SEMA6D: variants seen among roughly 807,000 people sequenced by gnomAD.
SEMA6D encodes semaphorin-6D.
Under a neutral mutation model 106.6 loss-of-function variants are expected in SEMA6D, and 35 were observed. The ratio of observed to expected loss-of-function variants is 0.33; its 90% CI spans 0.25 to 0.44. SEMA6D has a LOEUF of 0.44. SEMA6D is among the 20% of genes least tolerant of loss of function. SEMA6D has a pLI of 1.00. For missense variants in SEMA6D, 1,185 were observed against 1,345.9 expected (o/e 0.88, Z 1.87); for synonymous variants, 499 against 487.7 (o/e 1.02, Z -0.31).
chr15:47,201,372 G>A (rs1040272594), intron 1 of SEMA6D, among the ~76,000 whole-genome samples: 14 of 152,090 alleles, frequency 9.2e-5, no homozygotes, highest in Non-Finnish European at 1.3e-4. Flanking sequence ...GAAATAGAGC[G>A]ATAATGCTTT....
In SEMA6D at chr15:47,703,809, C is replaced by CTG. The variant is rs577805417; in HGVS notation, c.-54-55930_-54-55929dup. ...CAAGGGGAGATAGGGAGGTTTAACTCTGTGTGTATTTACCATCTGATGTTG... is the reference window on the plus strand; with the variant it reads ...CAAGGGGAGATAGGGAGGTTTAACTCTGTGTGTGTATTTACCATCTGATGTTG... On this transcript the variant is annotated intron_variant, in intron 4 of 19. Coordinates refer to the SEMA6D transcript ENST00000558014. 1.4e-4 allele frequency among the ~76,000 whole-genome samples: 22 copies of CTG among 152,250 alleles called. No individual in the cohort carries two copies. The South Asian group carries it at 4.4e-3, about 30-fold the overall frequency.
chr15:47,474,896 G>A (rs966615060), intron 3 of SEMA6D, among the ~76,000 whole-genome samples: 6 of 152,266 alleles, frequency 3.9e-5, no homozygotes, highest in Non-Finnish European at 5.9e-5. Flanking sequence ...TCTATGGTAC[G>A]ATGTTGCGGC....
intron 1 of SEMA6D, among the ~76,000 whole-genome samples, chr15:47,333,358 AG>A (rs2037420989): frequency 6.6e-6 from 1 of 152,166 alleles, no homozygotes; most frequent in Non-Finnish European, 1.5e-5. Context: ...AAAAACTTGA[AG>A]AAAAATTGTA....
chr15:47,351,766 C>G (rs1406206601), intron 1 of SEMA6D, among the ~76,000 whole-genome samples: 2 of 152,176 alleles, frequency 1.3e-5, no homozygotes, highest in Non-Finnish European at 2.9e-5. Flanking sequence ...ATCAGTGCCT[C>G]ACACAAAAGT....
At chr15:47,594,588 G>A (rs2076501908) in intron 3 of SEMA6D, among the ~76,000 whole-genome samples, 1 of 152,088 alleles carries the variant, frequency 6.6e-6, no homozygotes, top group Non-Finnish European at 1.5e-5. Context: ...CTATACTTTG[G>A]GATATGAACT....
Position 47,436,850 on chromosome 15 carries a change from C to T in SEMA6D, c.-159+24378C>T, listed in dbSNP as rs562471229. Among the ~76,000 whole-genome samples the T allele has an allele frequency of 5.4e-5, 8 of 149,144 alleles. No individual in the cohort carries two copies. The South Asian group carries it at 1.7e-3, about 32-fold the overall frequency. On this transcript the variant is annotated intron_variant, in intron 2 of 19. Coordinates refer to the SEMA6D transcript ENST00000558014. Reference sequence around the variant, plus strand: ...TCAAGAGGCTGAGGTGGGGGGATCACTTAAACCCAGAAGGTTGAGGTTGCA... The same window carrying T: ...TCAAGAGGCTGAGGTGGGGGGATCATTTAAACCCAGAAGGTTGAGGTTGCA...
At chr15:47,297,214 G>C (rs2035838673) in intron 1 of SEMA6D, among the ~76,000 whole-genome samples, 1 of 152,130 alleles carries the variant, frequency 6.6e-6, no homozygotes. Context: ...ATTTGTCTTG[G>C]AATATTTAGG....
intron 3 of SEMA6D, among the ~76,000 whole-genome samples, chr15:47,523,262 A>G (rs2044646148): frequency 6.6e-6 from 1 of 152,128 alleles, no homozygotes; most frequent in Admixed American, 6.5e-5. Flanking sequence ...GAGAGCTCCC[A>G]GTCAAGTGGA....
intron 1 of SEMA6D, among the ~76,000 whole-genome samples, chr15:47,231,261 G>GTCTTGACTGATCCTAGCTCAAGTCAA (rs1319644056): frequency 6.6e-6 from 1 of 151,898 alleles, no homozygotes; most frequent in East Asian, 1.9e-4. Context: ...AATGAGCCTG[G>GTCTTGACTGATCCTAGCTCAAGTCAA]ACTAGCATTG....
At chr15:47,389,804 T>G (rs1167311913) in intron 1 of SEMA6D, among the ~76,000 whole-genome samples, 1 of 152,194 alleles carries the variant, frequency 6.6e-6, no homozygotes, top group African/African-American at 2.4e-5. Flanking sequence ...CATTAGTGAG[T>G]ATTATTAGTT....
intron 4 of SEMA6D, among the ~76,000 whole-genome samples, chr15:47,698,121 C>T (rs2078737320): frequency 6.6e-6 from 1 of 152,096 alleles, no homozygotes; most frequent in Admixed American, 6.5e-5. Context: ...ATGGTTATTT[C>T]CCATTATTAA....
chr15:47,597,683 A>G (rs543466409), intron 3 of SEMA6D, among the ~76,000 whole-genome samples: 6 of 151,904 alleles, frequency 3.9e-5, no homozygotes, highest in Admixed American at 3.9e-4. Flanking sequence ...ATAGAAGCAG[A>G]GAGTAGATTA....
intron 3 of SEMA6D, among the ~76,000 whole-genome samples, chr15:47,558,257 T>C (rs972915169): frequency 1.3e-5 from 2 of 152,140 alleles, no homozygotes; most frequent in African/African-American, 4.8e-5. Context: ...TTGAGCTTTA[T>C]TCATTAATTC....
chr15:47,261,118 C>T (rs2034056105), intron 1 of SEMA6D, among the ~76,000 whole-genome samples: 1 of 152,068 alleles, frequency 6.6e-6, no homozygotes, highest in Admixed American at 6.6e-5. Context: ...AAGTCTATGC[C>T]AGAAGTCCAG....
At chr15:47,609,793 T>C (rs561872404) in intron 4 of SEMA6D, among the ~76,000 whole-genome samples, 24 of 152,312 alleles carry the variant, frequency 1.6e-4, no homozygotes, top group African/African-American at 5.3e-4. Context: ...TGATACCGCA[T>C]GTGTACTCAG....
chr15:47,529,005 G>A (rs1228039463), intron 3 of SEMA6D, among the ~76,000 whole-genome samples: 1 of 152,018 alleles, frequency 6.6e-6, no homozygotes, highest in Non-Finnish European at 1.5e-5. Flanking sequence ...GGGGAAAAAT[G>A]TTATTAAAAA....
At chr15:47,654,923 A>G (rs2077763153) in intron 4 of SEMA6D, among the ~76,000 whole-genome samples, 1 of 152,186 alleles carries the variant, frequency 6.6e-6, no homozygotes, top group South Asian at 2.1e-4. Context: ...CTTTATAGCA[A>G]TGCAAGAATG....
chr15:47,670,308 A>C (rs2078113617), intron 4 of SEMA6D, among the ~76,000 whole-genome samples: 1 of 152,208 alleles, frequency 6.6e-6, no homozygotes, highest in Non-Finnish European at 1.5e-5. Context: ...TGTCTTACAC[A>C]CACAGATGCT....
chr15:47,528,857 C>T (rs575937805), intron 3 of SEMA6D, among the ~76,000 whole-genome samples: 22 of 152,290 alleles, frequency 1.4e-4, no homozygotes, highest in African/African-American at 4.6e-4. Flanking sequence ...GTTGAAAGTT[C>T]ACATATAACT....
Sources: gnomAD v4.1 joint callset for allele counts (sites outside exome capture counted in the v4.1 genomes callset) on GRCh38, gnomAD v4.1.1 for gene constraint, MANE v1.5 for transcripts, NCBI Gene and HGNC (gene_info 2026-07-23, HGNC 2026-07-21) for gene names.